Variants in LRRC59 observed in about 807,000 individuals in gnomAD.
The protein encoded by LRRC59 is leucine-rich repeat-containing protein 59.
A neutral mutation model predicts 33.5 loss-of-function variants in LRRC59; 18 were observed. The ratio of observed to expected loss-of-function variants is 0.54; its 90% CI spans 0.37 to 0.80. The LOEUF is 0.80. LRRC59 is among the 30% of genes least tolerant of loss of function. The pLI is 0.00. For missense variants in LRRC59, 330 were observed against 391.9 expected (o/e 0.84, Z 1.33); for synonymous variants, 138 against 160.0 (o/e 0.86, Z 1.04).
chr17:50,382,791 CATT>C lies in LRRC59; in HGVS notation c.*194_*196del. Reference sequence around the variant, plus strand: ...CCCCCCACGCCCCCCCGCCACCTCCCATTTCTCCTCATTCCTTCAGGGAACCCT... The same window carrying C: ...CCCCCCACGCCCCCCCGCCACCTCCCTCTCCTCATTCCTTCAGGGAACCCT... On this transcript the variant is annotated 3_prime_UTR_variant, in exon 7 of 7. Coordinates refer to ENST00000225972, the MANE Select transcript of LRRC59 (RefSeq NM_018509.4). The C allele has an allele frequency of 1.5e-6, 1 of 680,510 alleles. No homozygotes were observed. Among genetic ancestry groups the C allele is most frequent in the Non-Finnish European group, 2.3e-6 (1 of 425,664 alleles). 42.2% of individuals were successfully genotyped at this position (680,510 alleles called of 1,614,324 possible).
rs1266416134 is a variant in LRRC59 at position 50,397,242 on chromosome 17, C to G, written c.76G>C (p.Asp26His). ...TCCTTCACCGGGACCTCATTCAGGTCGCTGAGGCTCAGGTCCAGTTCGTTG... is the reference window on the plus strand; with the variant it reads ...TCCTTCACCGGGACCTCATTCAGGTGGCTGAGGCTCAGGTCCAGTTCGTTG... ...DGNELDLSLSDLNEVPVKELA... is the reference protein window; with the variant it reads ...DGNELDLSLSHLNEVPVKELA... Residue 26 changes from aspartate (D) to histidine (H), a missense_variant, in exon 1 of 7, where the codon GAC becomes CAC. By Grantham distance (81) the Asp-to-His change is moderately conservative. Coordinates refer to ENST00000225972, the MANE Select transcript of LRRC59 (RefSeq NM_018509.4). The G allele has an allele frequency of 6.2e-7, 1 of 1,605,746 alleles. No homozygotes were observed. The highest frequency in any genetic ancestry group is 1.7e-5 in the Admixed American group (1 of 59,174).
intron 4 of LRRC59, among the ~76,000 whole-genome samples, chr17:50,391,388 CAG>C (rs1914139999): frequency 6.6e-6 from 1 of 152,200 alleles, no homozygotes; most frequent in Non-Finnish European, 1.5e-5. Context: ...CTTGAGACAG[CAG>C]AGACTCATCA....
chr17:50,391,083 T>C (rs1203188663), intron 4 of LRRC59, among the ~76,000 whole-genome samples: 1 of 152,190 alleles, frequency 6.6e-6, no homozygotes, highest in African/African-American at 2.4e-5. Context: ...TAATGCCGAC[T>C]CCTCAGGGCT....
chr17:50,390,097 C>CAAAAAAAAAA (rs57027679), intron 4 of LRRC59, among the ~76,000 whole-genome samples: 4 of 85,278 alleles, frequency 4.7e-5, no homozygotes, highest in African/African-American at 1.8e-4. Flanking sequence ...GACTCTGTCT[C>CAAAAAAAAAA]AAAAAAAAAA....
Position 50,394,995 on chromosome 17 carries a change from A to G in LRRC59, c.106-7T>C. 2 of 1,605,626 alleles carry G rather than the reference A, an allele frequency of 1.2e-6. No homozygotes were observed. The highest frequency in any genetic ancestry group is 8.5e-7 in the Non-Finnish European group (1 of 1,173,192). ...TGGCCTTTGGAAGGGCAGCCTAGGT[A>G]AAAGAGGATGAGAAAAACATGTCAG... On this transcript the variant is annotated splice_polypyrimidine_tract_variant and splice_region_variant and intron_variant, in intron 1 of 6. Coordinates refer to ENST00000225972, the MANE Select transcript of LRRC59 (RefSeq NM_018509.4).
chr17:50,392,371 G>A (rs1291452975), intron 4 of LRRC59, 27 bp downstream of exon 4: 2 of 1,574,522 alleles, frequency 1.3e-6, no homozygotes, highest in South Asian at 1.1e-5. Flanking sequence ...TGTATAAGGA[G>A]CCACTGGGAG....
At chr17:50,384,614 A>T (rs1913955125) in intron 6 of LRRC59, among the ~76,000 whole-genome samples, 1 of 152,092 alleles carries the variant, frequency 6.6e-6, no homozygotes, top group Non-Finnish European at 1.5e-5. Flanking sequence ...AAAAATACAA[A>T]ATTAGCTGGG....
intron 4 of LRRC59, 139 bp downstream of exon 4, chr17:50,392,259 G>T: frequency 1.5e-6 from 1 of 660,238 alleles, no homozygotes. Context: ...TGTTTGACAG[G>T]CTCATAGTGG....
Position 50,382,804 on chromosome 17 carries a change from T to C in LRRC59, c.*184A>G. 1.5e-6 allele frequency: 1 copy of C among 670,116 alleles called. No individual in the cohort carries two copies. Among genetic ancestry groups the C allele is most frequent in the Non-Finnish European group, 2.3e-6 (1 of 429,734 alleles). 41.5% of individuals were successfully genotyped at this position (670,116 alleles called of 1,614,324 possible). A position where few individuals can be genotyped will look rare whatever the true frequency, so the allele number is the denominator to read the frequency against. On this transcript the variant is annotated 3_prime_UTR_variant, in exon 7 of 7. Transcript: ENST00000225972. The stretch of plus-strand genomic sequence containing the variant: ...CCCGCCACCTCCCATTTCTCCTCAT[T>C]CCTTCAGGGAACCCTGACTAAGGAA...
At chr17:50,392,565 A>G in intron 3 of LRRC59, 63 bp from the exon 4 acceptor site, 1 of 1,487,712 alleles carries the variant, frequency 6.7e-7, no homozygotes, top group Non-Finnish European at 9.4e-7. Flanking sequence ...ATAGTCCCTC[A>G]GGGTGAAACA....
chr17:50,392,767 G>A lies in LRRC59; in HGVS notation c.296C>T (p.Thr99Ile). ...GAGCTGAGCAAAGCTGACAGGCAAGGTGACCAGCTTGTTGTTGAGGAGATC... is the reference window on the plus strand; with the variant it reads ...GAGCTGAGCAAAGCTGACAGGCAAGATGACCAGCTTGTTGTTGAGGAGATC... ...HLDLLNNKLV[T>I]LPVSFAQLKN... The change falls in exon 3 of 7, where the codon ACC becomes ATC. Residue 99 changes from threonine (T) to isoleucine (I), a missense_variant. Coordinates refer to ENST00000225972, the MANE Select transcript of LRRC59 (RefSeq NM_018509.4). 2.5e-6 allele frequency: 4 copies of A among 1,614,206 alleles called. No homozygotes were observed. Among genetic ancestry groups the A allele is most frequent in the Non-Finnish European group, 3.4e-6 (4 of 1,180,038 alleles).
chr17:50,389,334 G>A (rs1248030666), intron 4 of LRRC59, among the ~76,000 whole-genome samples: 1 of 152,120 alleles, frequency 6.6e-6, no homozygotes, highest in Non-Finnish European at 1.5e-5. Context: ...TTTAAAGGTG[G>A]TATTCTTTGG....
At position 50,397,421 on chromosome 17, in the gene LRRC59, T is replaced by C; in HGVS notation, c.-104A>G. 2 of 813,190 alleles carry C rather than the reference T, an allele frequency of 2.5e-6. No individual in the cohort carries two copies. Among genetic ancestry groups the C allele is most frequent in the Non-Finnish European group, 3.6e-6 (2 of 554,588 alleles). 50.4% of individuals were successfully genotyped at this position (813,190 alleles called of 1,614,324 possible). A position where few individuals can be genotyped will look rare whatever the true frequency, so the allele number is the denominator to read the frequency against. The stretch of plus-strand genomic sequence containing the variant: ...GGCCCCCCACCCAAACGACGACGCC[T>C]GAGCCCTCCGTCGCCGCCGATGCGA... On this transcript the variant is annotated 5_prime_UTR_variant, in exon 1 of 7. Coordinates refer to ENST00000225972, the MANE Select transcript of LRRC59 (RefSeq NM_018509.4).
At chr17:50,395,028 TCTGGA>T in intron 1 of LRRC59, 40 bp from the exon 2 acceptor site, 1 of 1,385,488 alleles carries the variant, frequency 7.2e-7, no homozygotes, top group South Asian at 1.2e-5. Flanking sequence ...CAGACCAACA[TCTGGA>T]ACAATTCACT....
intron 4 of LRRC59, 28 bp downstream of exon 4, chr17:50,392,370 A>AG (rs1567822159): frequency 4.4e-6 from 7 of 1,582,454 alleles, no homozygotes; most frequent in Non-Finnish European, 5.2e-6. Flanking sequence ...GTGTATAAGG[A>AG]GCCACTGGGA....
At chr17:50,395,908 A>C (rs546305664) in intron 1 of LRRC59, 1 of 152,268 alleles carries the variant, frequency 6.6e-6, no homozygotes, top group Non-Finnish European at 1.5e-5. Flanking sequence ...ATCCAAAAAA[A>C]AAAAAGGCCC....
intron 5 of LRRC59, among the ~76,000 whole-genome samples, chr17:50,386,651 CAG>C (rs1423171494): frequency 1.3e-5 from 2 of 152,142 alleles, no homozygotes; most frequent in Non-Finnish European, 2.9e-5. Flanking sequence ...GTGAAGGCAA[CAG>C]GGGTCAGAGT....
chr17:50,391,827 T>C (rs1163034287), intron 4 of LRRC59, among the ~76,000 whole-genome samples: 1 of 152,230 alleles, frequency 6.6e-6, no homozygotes, highest in Non-Finnish European at 1.5e-5. Context: ...CACAGTGTCA[T>C]GTTGCATCAC....
rs1913885160 is a variant in LRRC59 at position 50,382,480 on chromosome 17, G to A, written c.*508C>T. Reference sequence around the variant, plus strand: ...AGAGATTTTGTGTGGCTGCTAAAATGCTTACATCTCTGAGGTCCTAAAGAA... The same window carrying A: ...AGAGATTTTGTGTGGCTGCTAAAATACTTACATCTCTGAGGTCCTAAAGAA... On this transcript the variant is annotated 3_prime_UTR_variant, in exon 7 of 7. Transcript: ENST00000225972. 6.4e-6 allele frequency: 1 copy of A among 156,128 alleles called. No individual in the cohort carries two copies. Among genetic ancestry groups the A allele is most frequent in the Non-Finnish European group, 1.4e-5 (1 of 70,334 alleles). The allele number at this position is 156,128 out of a possible 1,614,324, so 9.7% of individuals were successfully genotyped here. A position where few individuals can be genotyped will look rare whatever the true frequency, so the allele number is the denominator to read the frequency against.
Sources: allele counts gnomAD v4.1 joint callset (sites outside exome capture counted in the v4.1 genomes callset), GRCh38; gene constraint gnomAD v4.1.1; transcripts MANE v1.5; gene names NCBI Gene and HGNC (gene_info 2026-07-23, HGNC 2026-07-21).